CC2D2A: variants seen among roughly 807,000 people sequenced by gnomAD.
CC2D2A encodes the protein coiled-coil and C2 domain-containing protein 2A.
A neutral mutation model predicts 212.9 loss-of-function variants in CC2D2A; 155 were observed. The observed-to-expected ratio is 0.73, with a 90% CI of 0.64 to 0.83. The LOEUF (loss-of-function observed/expected upper bound fraction) is 0.83. CC2D2A is among the 40% of genes least tolerant of loss of function. The pLI, the probability that CC2D2A is intolerant of heterozygous loss-of-function variation, is 0.00. For missense variants in CC2D2A, 1,856 were observed against 1,956.2 expected (o/e 0.95, Z 0.97); for synonymous variants, 667 against 686.5 (o/e 0.97, Z 0.44).
At chr4:15,498,238 A>G (rs1341757618) in intron 4 of CC2D2A, among the ~76,000 whole-genome samples, 1 of 152,212 alleles carries the variant, frequency 6.6e-6, no homozygotes, top group African/African-American at 2.4e-5. Context: ...GTGTCTGATG[A>G]AAAACATCAC....
intron 29 of CC2D2A, among the ~76,000 whole-genome samples, chr4:15,577,690 G>C (rs1720473858): frequency 6.6e-6 from 1 of 152,046 alleles, no homozygotes; most frequent in Non-Finnish European, 1.5e-5. Flanking sequence ...TCCAATGAAA[G>C]TGGTAGAAAA....
chr4:15,590,641 A>G (rs572707028), intron 33 of CC2D2A, among the ~76,000 whole-genome samples: 10 of 152,372 alleles, frequency 6.6e-5, no homozygotes, highest in African/African-American at 2.4e-4. Context: ...AAATGGAGGT[A>G]ACAGTAAAGT....
At chr4:15,519,552 GCTGCTGATAAA>G in intron 11 of CC2D2A, 1 of 445,072 alleles carries the variant, frequency 2.2e-6, no homozygotes, top group South Asian at 1.6e-5. Flanking sequence ...CCATTTTCAT[GCTGCTGATAAA>G]GACATACCCA....
At chr4:15,543,967 C>T (rs189936611) in intron 17 of CC2D2A, 19 of 152,290 alleles carry the variant, frequency 1.2e-4, no homozygotes, top group Admixed American at 8.5e-4. Flanking sequence ...CCACTAACAA[C>T]GGATTAAGAG....
chr4:15,503,785 C>T (rs139928414), intron 6 of CC2D2A, among the ~76,000 whole-genome samples: 2 of 152,222 alleles, frequency 1.3e-5, no homozygotes, highest in African/African-American at 4.8e-5. Context: ...TGTGTTCCTC[C>T]AGAGACACAG....
In CC2D2A at chr4:15,480,766, G is replaced by A; in HGVS notation, c.186G>A (p.Glu62=). ...SEKSHLGNPQ[E]PVQEEPKTRL... is the part of the protein sequence containing the mutation. ...AATCCCACCTTGGCAACCCCCAGGA[G>A]CCTGTGCAGGAGGAGCCCAAGACCC... Residue 62 remains glutamate (E), a synonymous_variant, in exon 4 of 37, where the codon GAG becomes GAA. Transcript: ENST00000424120. The A allele has an allele frequency of 6.2e-7, 1 of 1,613,294 alleles. No homozygotes were observed. Among genetic ancestry groups the A allele is most frequent in the South Asian group, 1.1e-5 (1 of 90,896 alleles).
chr4:15,548,955 C>A (rs904235430), intron 17 of CC2D2A, among the ~76,000 whole-genome samples: 1 of 152,064 alleles, frequency 6.6e-6, no homozygotes, highest in African/African-American at 2.4e-5. Context: ...TTTTTTGAGG[C>A]TCTCAAGGAA....
intron 6 of CC2D2A, among the ~76,000 whole-genome samples, chr4:15,504,539 T>A (rs1716148038): frequency 6.6e-6 from 1 of 152,130 alleles, no homozygotes. Flanking sequence ...TGACTGAAAA[T>A]CATTTCACAG....
intron 6 of CC2D2A, among the ~76,000 whole-genome samples, chr4:15,507,600 A>T (rs781623133): frequency 6.6e-6 from 1 of 152,236 alleles, no homozygotes; most frequent in Admixed American, 6.5e-5. Flanking sequence ...AAATCAGCTG[A>T]CAAAAGGCAG....
intron 4 of CC2D2A, among the ~76,000 whole-genome samples, chr4:15,501,812 T>A (rs1715968751): frequency 6.6e-6 from 1 of 152,138 alleles, no homozygotes; most frequent in African/African-American, 2.4e-5. Flanking sequence ...GAAAAATTGT[T>A]GAGAAATACA....
chr4:15,570,552 C>A, intron 28 of CC2D2A, 56 bp downstream of exon 28: 1 of 1,282,292 alleles, frequency 7.8e-7, no homozygotes, highest in Non-Finnish European at 1.1e-6. Flanking sequence ...ATCCATTTTT[C>A]CTATTAAAAC....
intron 25 of CC2D2A, 40 bp downstream of exon 25, chr4:15,567,522 A>ACGTTTTT: frequency 6.4e-7 from 1 of 1,552,044 alleles, no homozygotes; most frequent in Non-Finnish European, 8.8e-7. Flanking sequence ...CTTGCCCCTT[A>ACGTTTTT]AGTTTTTAAG....
At chr4:15,497,462 C>G (rs1715683921) in intron 4 of CC2D2A, among the ~76,000 whole-genome samples, 1 of 152,158 alleles carries the variant, frequency 6.6e-6, no homozygotes, top group African/African-American at 2.4e-5. Context: ...CCTTGTAACT[C>G]TTTTGTCCAC....
At chr4:15,580,562 T>C (rs1720616773) in intron 30 of CC2D2A, among the ~76,000 whole-genome samples, 1 of 141,472 alleles carries the variant, frequency 7.1e-6, no homozygotes, top group Non-Finnish European at 1.5e-5. Flanking sequence ...AGCTTGAACC[T>C]GGGAGGCAGA....
intron 2 of CC2D2A, among the ~76,000 whole-genome samples, chr4:15,477,301 C>CAAA (rs368935605): frequency 5.8e-5 from 5 of 86,706 alleles, no homozygotes; most frequent in Admixed American, 1.3e-4. Flanking sequence ...GACTCCATCT[C>CAAA]AAAAAAAAAA....
intron 17 of CC2D2A, among the ~76,000 whole-genome samples, chr4:15,548,063 A>G (rs997376415): frequency 1.3e-5 from 2 of 152,060 alleles, no homozygotes; most frequent in Admixed American, 6.6e-5. Flanking sequence ...AATAAAAATA[A>G]ATAAAAGAAC....
intron 18 of CC2D2A, among the ~76,000 whole-genome samples, 186 bp from the exon 19 acceptor site, chr4:15,552,972 A>C (rs1404621053): frequency 6.6e-6 from 1 of 152,222 alleles, no homozygotes; most frequent in Non-Finnish European, 1.5e-5. Flanking sequence ...GCCATCAGAG[A>C]CAGAGCTGAG....
chr4:15,558,979 C>T (rs1719429650), intron 21 of CC2D2A, among the ~76,000 whole-genome samples, 186 bp from the exon 22 acceptor site: 1 of 152,196 alleles, frequency 6.6e-6, no homozygotes. Flanking sequence ...TAAGGCATTT[C>T]AGCCACCTGT....
rs754827031 is a variant in CC2D2A, at chr4:15,563,350, A to G, written c.3015-5A>G. ...AGAGTCCTGATCCTGTTCTGTAATCATTAGCATTTTGGGCCTAAGCCTTTT... is the reference window on the plus strand; with the variant it reads ...AGAGTCCTGATCCTGTTCTGTAATCGTTAGCATTTTGGGCCTAAGCCTTTT... On this transcript the variant is annotated splice_region_variant and splice_polypyrimidine_tract_variant and intron_variant, in intron 23 of 36. Coordinates refer to ENST00000424120, the MANE Select transcript of CC2D2A (RefSeq NM_001378615.1). 27 of 1,596,370 alleles carry G rather than the reference A, an allele frequency of 1.7e-5. No individual in the cohort carries two copies. The highest frequency in any genetic ancestry group is 4.5e-5 in the East Asian group (2 of 44,294).
Sources: gnomAD v4.1 joint callset for allele counts (sites outside exome capture counted in the v4.1 genomes callset) on GRCh38, gnomAD v4.1.1 for gene constraint, MANE v1.5 for transcripts, NCBI Gene and HGNC (gene_info 2026-07-23, HGNC 2026-07-21) for gene names.